Variants in DOK7 observed in about 807,000 individuals in gnomAD.
The protein encoded by DOK7 is docking protein 7.
DOK7 carries 32 observed loss-of-function variants against 30.7 expected under a neutral mutation model. That is an observed-to-expected ratio of 1.04 (90% CI 0.79 to 1.40). The LOEUF is 1.40. Among genes scored for constraint, DOK7 ranks in the 40% most tolerant of loss-of-function variants. The probability of loss-of-function intolerance (pLI) is 0.00; values close to 1 mark genes in which losing one functional copy is unlikely to be tolerated. For synonymous variants in DOK7, 447 were observed against 324.1 expected, an observed-to-expected ratio of 1.38 and a Z score of -4.07; for missense variants, 1,007 against 699.2, an observed-to-expected ratio of 1.44 and a Z score of -4.97.
intron 2 of DOK7, among the ~76,000 whole-genome samples, chr4:3,463,882 G>T (rs1726120731): frequency 6.6e-6 from 1 of 152,204 alleles, no homozygotes. Context: ...GTTGAGCTGT[G>T]CTTGTGGAAA....
chr4:3,478,540 C>G (rs1413067644), intron 4 of DOK7, among the ~76,000 whole-genome samples: 1 of 109,532 alleles, frequency 9.1e-6, no homozygotes, highest in Non-Finnish European at 1.9e-5. Flanking sequence ...CGGGCTGGCC[C>G]CACAGAACCC....
chr4:3,469,782 C>G (rs552289468), intron 2 of DOK7, among the ~76,000 whole-genome samples: 1 of 152,348 alleles, frequency 6.6e-6, no homozygotes, highest in South Asian at 2.1e-4. Flanking sequence ...CCCCCTGGCA[C>G]TCCCCGAGAG....
chr4:3,484,667 C>G lies in DOK7; in HGVS notation c.533-872C>G, dbSNP rs543057825. The G allele has an allele frequency of 2.5e-4, 250 of 985,542 alleles. No individual in the cohort carries two copies. In the African/African-American group the frequency reaches 3.8e-3, roughly 15 times the overall value. 61.0% of individuals were successfully genotyped at this position (985,542 alleles called of 1,614,324 possible). On this transcript the variant is annotated intron_variant, in intron 4 of 6. Coordinates refer to ENST00000340083, the MANE Select transcript of DOK7 (RefSeq NM_173660.5). ...TCTGCCAGTGACGCTGGGCTGGTCCCTGGGGGCCCTCCTGCTGCTGTGGGG... is the reference window on the plus strand; with the variant it reads ...TCTGCCAGTGACGCTGGGCTGGTCCGTGGGGGCCCTCCTGCTGCTGTGGGG...
At position 3,473,631 on chromosome 4, in the gene DOK7, G is replaced by A. The variant is rs1319317420; in HGVS notation, c.326G>A (p.Gly109Asp). 1.3e-5 allele frequency: 20 copies of A among 1,565,660 alleles called. No individual in the cohort carries two copies. Among genetic ancestry groups the A allele is most frequent in the Non-Finnish European group, 1.6e-5 (19 of 1,151,536 alleles). Residue 109 changes from glycine (G) to aspartate (D), a missense_variant, in exon 3 of 7, where the codon GGC (glycine) becomes GAC (aspartate). Gly to Asp is a moderately conservative substitution (Grantham distance 94). Coordinates refer to ENST00000340083, the MANE Select transcript of DOK7 (RefSeq NM_173660.5). ...AWDARIRYAL[G>D]EVHRFHVTVA... Reference sequence around the variant, plus strand: ...GATGCCCGGATCCGCTATGCGCTCGGCGAGGGTGAGTGACGGGGGCCGGGG... The same window carrying A: ...GATGCCCGGATCCGCTATGCGCTCGACGAGGGTGAGTGACGGGGGCCGGGG...
At chr4:3,468,602 G>C (rs774422154) in intron 2 of DOK7, among the ~76,000 whole-genome samples, 2 of 151,228 alleles carry the variant, frequency 1.3e-5, no homozygotes, top group African/African-American at 2.4e-5. Flanking sequence ...GCGTGTATTG[G>C]TGTGTGCGTG....
intron 4 of DOK7, among the ~76,000 whole-genome samples, chr4:3,481,213 G>T (rs1201130650): frequency 2.0e-5 from 3 of 152,132 alleles, no homozygotes; most frequent in Non-Finnish European, 4.4e-5. Context: ...AGCCATTGAA[G>T]GTGCTTGAGC....
intron 2 of DOK7, among the ~76,000 whole-genome samples, chr4:3,470,520 G>A (rs749952599): frequency 6.6e-6 from 1 of 152,310 alleles, no homozygotes; most frequent in African/African-American, 2.4e-5. Context: ...AGGGTCGAGC[G>A]TGGGTTCAGC....
Position 3,492,840 on chromosome 4 carries a change from C to T in DOK7, c.854C>T (p.Pro285Leu). The change falls in exon 7 of 7, where the codon CCA (proline) becomes CTA (leucine). Residue 285 changes from proline to leucine, a missense_variant. Physicochemically the swap from Pro to Leu is moderately conservative, Grantham distance 98 (BLOSUM62 -3). Transcript: ENST00000340083. ...VSASSRLTAW[P>L]EQSSSSASTS... is the part of the protein sequence containing the mutation. ...GCCAGCAGCCGGCTCACCGCATGGC[C>T]AGAGCAATCCTCGTCGTCAGCCAGC... 1 of 1,612,208 alleles carries T rather than the reference C, an allele frequency of 6.2e-7. No homozygotes were observed. The highest frequency in any genetic ancestry group is 8.5e-7 in the Non-Finnish European group (1 of 1,179,792).
chr4:3,470,597 G>T (rs1049885867), intron 2 of DOK7, among the ~76,000 whole-genome samples: 13 of 152,230 alleles, frequency 8.5e-5, no homozygotes, highest in African/African-American at 3.1e-4. Context: ...TGTGGAAGGT[G>T]TGAGAAGCCG....
intron 4 of DOK7, among the ~76,000 whole-genome samples, chr4:3,476,982 C>T (rs1727135499): frequency 6.6e-6 from 1 of 152,180 alleles, no homozygotes; most frequent in Non-Finnish European, 1.5e-5. Flanking sequence ...GTGGGCCGCC[C>T]AGAGCTGCCC....
intron 6 of DOK7, among the ~76,000 whole-genome samples, chr4:3,490,924 CTTCCTTCTTCCCCTGCTCATTCA>C (rs1457648093): frequency 1.3e-4 from 17 of 134,862 alleles, no homozygotes; most frequent in Non-Finnish European, 1.7e-4. Flanking sequence ...TCATTCATTC[CTTCCTTCTTCCCCTGCTCATTCA>C]TTCCTTCTCC....
At position 3,490,187 on chromosome 4, in the gene DOK7, C is replaced by CG. The variant is rs1560226017; in HGVS notation, c.772+391_772+392insG. 3.4e-3 allele frequency among the ~76,000 whole-genome samples: 201 copies of CG among 58,728 alleles called. 3 individuals carry two copies. The highest frequency in any genetic ancestry group is 0.013 in the African/African-American group (183 of 14,328). The allele number at this position is 58,728 out of a possible 152,430, so 38.5% of individuals were successfully genotyped here. On this transcript the variant is annotated intron_variant, in intron 6 of 6. Transcript: ENST00000340083. ...CATTCATTTCTTCCTCCGCCCCCCCCACTCATTCCTTCCCCCCTCATTCAT... is the reference window on the plus strand; with the variant it reads ...CATTCATTTCTTCCTCCGCCCCCCCCGACTCATTCCTTCCCCCCTCATTCAT...
At chr4:3,472,732 CG>C (rs1560209270) in intron 2 of DOK7, among the ~76,000 whole-genome samples, 1 of 152,182 alleles carries the variant, frequency 6.6e-6, no homozygotes, top group East Asian at 1.9e-4. Context: ...GGGGTGGAGA[CG>C]GGGACCCGAG....
chr4:3,469,355 G>T (rs115904578), intron 2 of DOK7, among the ~76,000 whole-genome samples: 1 of 152,060 alleles, frequency 6.6e-6, no homozygotes, highest in Non-Finnish European at 1.5e-5. Flanking sequence ...CCAGAGCCCC[G>T]GGAACCCTCC....
intron 2 of DOK7, among the ~76,000 whole-genome samples, chr4:3,467,610 G>C (rs1441515940): frequency 6.6e-6 from 1 of 152,114 alleles, no homozygotes; most frequent in Non-Finnish European, 1.5e-5. Context: ...CACACCGTGG[G>C]AGCGTGTGCA....
At chr4:3,468,761 T>A (rs1461223068) in intron 2 of DOK7, among the ~76,000 whole-genome samples, 4 of 145,746 alleles carry the variant, frequency 2.7e-5, no homozygotes, top group African/African-American at 5.3e-5. Flanking sequence ...TGTGTGCGTG[T>A]GTGTGTGCAT....
In DOK7 at chr4:3,494,056, A is replaced by G. The variant is rs1728741915; in HGVS notation, c.*555A>G. The G allele has an allele frequency of 1.0e-6, 1 of 987,512 alleles. No homozygotes were observed. The allele number at this position is 987,512 out of a possible 1,614,324, so 61.2% of individuals were successfully genotyped here. ...CTATGGGAGGAAACTGAAGCTCAGG[A>G]GGCTGTGTGGCTTGCGGGGTCTCTG... On this transcript the variant is annotated 3_prime_UTR_variant, in exon 7 of 7. Coordinates refer to ENST00000340083, the MANE Select transcript of DOK7 (RefSeq NM_173660.5).
intron 5 of DOK7, 52 bp from the exon 6 acceptor site, chr4:3,489,625 G>A (rs952976330): frequency 3.1e-5 from 48 of 1,555,038 alleles, no homozygotes; most frequent in African/African-American, 6.8e-5. Context: ...GCCTGCGGGC[G>A]AGGGTGGGCG....
At chr4:3,494,821 T>C (rs1193445511), downstream of DOK7, among the ~76,000 whole-genome samples, 2 of 152,154 alleles carry the variant, frequency 1.3e-5, no homozygotes, top group African/African-American at 4.8e-5. Context: ...GGGGGCTGGC[T>C]CTGAGCCCAG....
Sources: gnomAD v4.1 joint callset for allele counts (sites outside exome capture counted in the v4.1 genomes callset) on GRCh38, gnomAD v4.1.1 for gene constraint, MANE v1.5 for transcripts, NCBI Gene and HGNC (gene_info 2026-07-23, HGNC 2026-07-21) for gene names.